The following IL1RAPL2 variants were observed in gnomAD, a reference collection of about 807,000 sequenced individuals.
The protein encoded by IL1RAPL2 is interleukin 1 receptor accessory protein like 2.
A neutral mutation model predicts 44.1 loss-of-function variants in IL1RAPL2; 3 were observed. The observed-to-expected ratio is 0.07, with a 90% confidence interval of 0.03 to 0.18. IL1RAPL2 has a LOEUF of 0.18. Among genes scored for constraint, IL1RAPL2 ranks in the 10% least tolerant of loss-of-function variants. IL1RAPL2 has a pLI of 1.00. For missense variants in IL1RAPL2, 391 were observed against 496.4 expected (o/e 0.79, Z 2.02); for synonymous variants, 181 against 178.8 (o/e 1.01, Z -0.10).
intron 2 of IL1RAPL2, among the ~76,000 whole-genome samples, chrX:104,755,643 G>A (rs1932329632): frequency 9.0e-6 from 1 of 110,959 alleles, no homozygotes; most frequent in African/African-American, 3.3e-5. Flanking sequence ...TCAAGTGAAA[G>A]TTGTGTCAGA....
At chrX:104,797,194 C>A (rs1395480163) in intron 2 of IL1RAPL2, among the ~76,000 whole-genome samples, 5 of 35,934 alleles carry the variant, frequency 1.4e-4, no homozygotes, top group African/African-American at 2.9e-4. Flanking sequence ...AGCCCCCCCC[C>A]CCCCCCCGCA....
At chrX:105,152,030 C>A (rs772975557) in intron 2 of IL1RAPL2, among the ~76,000 whole-genome samples, 52 of 110,422 alleles carry the variant, frequency 4.7e-4, no homozygotes, top group Non-Finnish European at 8.5e-4. Flanking sequence ...GGATAAAAGA[C>A]TACAAATACA....
At chrX:105,359,243 C>T (rs2035230425) in intron 5 of IL1RAPL2, among the ~76,000 whole-genome samples, 1 of 111,502 alleles carries the variant, frequency 9.0e-6, no homozygotes, top group South Asian at 3.8e-4. Context: ...TTGAACTGCC[C>T]TTTAAAGGCT....
chrX:104,672,817 T>C (rs1930642146), intron 2 of IL1RAPL2, among the ~76,000 whole-genome samples: 1 of 110,908 alleles, frequency 9.0e-6, no homozygotes, highest in African/African-American at 3.3e-5. Context: ...TATCTCATTG[T>C]GGTTTTGATT....
intron 5 of IL1RAPL2, among the ~76,000 whole-genome samples, chrX:105,300,428 C>G (rs1019372712): frequency 2.7e-5 from 3 of 110,436 alleles, no homozygotes; most frequent in African/African-American, 9.9e-5. Context: ...AACTCACTCA[C>G]TATCATGAGA....
intron 6 of IL1RAPL2, among the ~76,000 whole-genome samples, chrX:105,631,330 A>G (rs779131641): frequency 2.7e-5 from 3 of 111,958 alleles, no homozygotes; most frequent in Admixed American, 9.5e-5. Context: ...AGCCCAGCCA[A>G]AGGGTTAAAG....
chrX:105,192,787 G>A (rs968966478), intron 2 of IL1RAPL2, among the ~76,000 whole-genome samples: 2 of 111,376 alleles, frequency 1.8e-5, no homozygotes, highest in Non-Finnish European at 3.8e-5. Flanking sequence ...GAATAAATGG[G>A]GATAACGTTT....
intron 2 of IL1RAPL2, among the ~76,000 whole-genome samples, chrX:105,047,058 C>T (rs1388683503): frequency 9.0e-6 from 1 of 111,095 alleles, no homozygotes; most frequent in Non-Finnish European, 1.9e-5. Context: ...CTATCTCACC[C>T]TCCCTTGCCT....
At chrX:105,731,854 T>C (rs771849153) in intron 7 of IL1RAPL2, among the ~76,000 whole-genome samples, 1 of 110,908 alleles carries the variant, frequency 9.0e-6, no homozygotes, top group South Asian at 3.8e-4. Flanking sequence ...TATAGTTAGA[T>C]AGAAGGAATA....
chrX:105,487,807 T>C (rs1264573755), intron 6 of IL1RAPL2, among the ~76,000 whole-genome samples: 1 of 112,021 alleles, frequency 8.9e-6, no homozygotes, highest in East Asian at 2.8e-4. Flanking sequence ...GTCAGAATCA[T>C]GAGGCATTAG....
At chrX:105,071,195 C>T (rs2032202521) in intron 2 of IL1RAPL2, among the ~76,000 whole-genome samples, 1 of 110,917 alleles carries the variant, frequency 9.0e-6, no homozygotes, top group Non-Finnish European at 1.9e-5. Context: ...GTGCAGGATA[C>T]AAAATCAACA....
intron 5 of IL1RAPL2, among the ~76,000 whole-genome samples, chrX:105,299,994 A>C (rs780092048): frequency 1.8e-5 from 2 of 111,726 alleles, no homozygotes; most frequent in Non-Finnish European, 3.8e-5. Flanking sequence ...TTGAGGAATA[A>C]AACTGCTTTG....
At chrX:104,782,069 C>A (rs947235781) in intron 2 of IL1RAPL2, among the ~76,000 whole-genome samples, 10 of 111,528 alleles carry the variant, frequency 9.0e-5, no homozygotes, top group Non-Finnish European at 1.9e-4. Context: ...TCTGCTGGCA[C>A]CTTGATCTTG....
intron 6 of IL1RAPL2, among the ~76,000 whole-genome samples, chrX:105,567,011 C>G (rs2036979540): frequency 9.0e-6 from 1 of 111,275 alleles, no homozygotes; most frequent in Non-Finnish European, 1.9e-5. Flanking sequence ...GGAAACGGTA[C>G]AGCAGGTCAT....
At chrX:105,582,809 G>T (rs1019294613) in intron 6 of IL1RAPL2, among the ~76,000 whole-genome samples, 1 of 110,374 alleles carries the variant, frequency 9.1e-6, no homozygotes, top group Non-Finnish European at 1.9e-5. Context: ...TTTTCACAGT[G>T]TTGTAATAAC....
At chrX:104,780,353 A>G (rs1311755961) in intron 2 of IL1RAPL2, among the ~76,000 whole-genome samples, 2 of 112,192 alleles carry the variant, frequency 1.8e-5, no homozygotes, top group Non-Finnish European at 3.8e-5. Flanking sequence ...TAATCACAGG[A>G]CACAGATCAA....
intron 6 of IL1RAPL2, among the ~76,000 whole-genome samples, chrX:105,693,107 C>G (rs149910221): frequency 6.5e-4 from 73 of 111,553 alleles, no homozygotes; most frequent in Admixed American, 2.9e-3. Flanking sequence ...GCGTATTCTT[C>G]TTTACATGGT....
intron 2 of IL1RAPL2, among the ~76,000 whole-genome samples, chrX:105,035,287 C>T (rs757411230): frequency 6.3e-5 from 7 of 111,876 alleles, no homozygotes; most frequent in Non-Finnish European, 1.1e-4. Flanking sequence ...TGAGATGAAC[C>T]TGGTACCTCA....
At chrX:105,561,563 G>T (rs187011777) in intron 6 of IL1RAPL2, among the ~76,000 whole-genome samples, 1 of 111,577 alleles carries the variant, frequency 9.0e-6, no homozygotes, top group Non-Finnish European at 1.9e-5. Flanking sequence ...ATTCCCACCA[G>T]CACAGAGGAA....
Sources: gnomAD v4.1 joint callset for allele counts (sites outside exome capture counted in the v4.1 genomes callset) on GRCh38, gnomAD v4.1.1 for gene constraint, MANE v1.5 for transcripts, NCBI Gene and HGNC (gene_info 2026-07-23, HGNC 2026-07-21) for gene names.